The following ADGRV1 variants were observed in gnomAD, a reference collection of about 807,000 sequenced individuals.
The protein encoded by ADGRV1 is adhesion G protein-coupled receptor V1.
ADGRV1 carries 359 observed loss-of-function variants against 596.2 expected under a neutral mutation model. That is an observed-to-expected ratio of 0.60 (90% CI 0.55 to 0.66). The LOEUF is 0.66. ADGRV1 is among the 30% of genes least tolerant of loss of function. ADGRV1 has a pLI of 0.00. For synonymous variants in ADGRV1, 2,681 were observed against 2,679.2 expected (o/e 1.00, Z -0.02); for missense variants, 7,274 against 7,575.6 (o/e 0.96, Z 1.48).
chr5:91,087,224 TC>T (rs1382542209), intron 86 of ADGRV1, among the ~76,000 whole-genome samples: 1 of 152,222 alleles, frequency 6.6e-6, no homozygotes, highest in Non-Finnish European at 1.5e-5. Context: ...AATACTTATC[TC>T]CTACCTTTTC....
At chr5:90,845,018 G>A (rs1419899377) in intron 78 of ADGRV1, among the ~76,000 whole-genome samples, 1 of 152,094 alleles carries the variant, frequency 6.6e-6, no homozygotes, top group Admixed American at 6.5e-5. Context: ...AGGATTTTGA[G>A]TTAACTCTGT....
chr5:91,162,415 T>C (rs1046326588), intron 89 of ADGRV1, among the ~76,000 whole-genome samples: 1 of 152,034 alleles, frequency 6.6e-6, no homozygotes, highest in Admixed American at 6.5e-5. Flanking sequence ...GGTGCCAGCA[T>C]AAGAACGTCG....
rs1228005049 is a variant in ADGRV1, at chr5:90,653,598, C to A, written c.4024C>A (p.Pro1342Thr). 1 of 1,613,754 alleles carries A rather than the reference C, an allele frequency of 6.2e-7. No homozygotes were observed. Among genetic ancestry groups the A allele is most frequent in the Non-Finnish European group, 8.5e-7 (1 of 1,179,814 alleles). ...GLEGAFGTVN[P>T]KYHPSRNNTI... is the part of the protein sequence containing the mutation. ...AGAGGGTGCATTTGGGACTGTTAAT[C>A]CAAAATACCATCCCTCCAGGAATAA... The change falls in exon 20 of 90, where the codon CCA (proline) becomes ACA (threonine). Residue 1342 changes from proline (P) to threonine (T), a missense_variant. By Grantham distance (38) the Pro-to-Thr change is conservative. Transcript: ENST00000405460.
In ADGRV1 at chr5:90,628,686, G is replaced by A; in HGVS notation, c.1363G>A (p.Val455Ile). Residue 455 changes from valine (V) to isoleucine (I), a missense_variant, in exon 8 of 90, where the codon GTT (valine) becomes ATT (isoleucine). Val to Ile is a conservative substitution (Grantham distance 29). Coordinates refer to ENST00000405460, the MANE Select transcript of ADGRV1 (RefSeq NM_032119.4). ...VTADIRPSSG[V>I]LHFAQGQMLA... The stretch of plus-strand genomic sequence containing the variant: ...AGCAGATATCAGACCGAGCTCTGGA[G>A]TTCTCCATTTTGCACAAGGGCAGAT... 5 of 1,614,008 alleles carry A rather than the reference G, an allele frequency of 3.1e-6. No homozygotes were observed. The highest frequency in any genetic ancestry group is 4.2e-6 in the Non-Finnish European group (5 of 1,179,894).
chr5:90,592,709 G>A (rs1759681781), intron 1 of ADGRV1, among the ~76,000 whole-genome samples: 1 of 152,156 alleles, frequency 6.6e-6, no homozygotes, highest in African/African-American at 2.4e-5. Context: ...CTGACAAAGG[G>A]CTAATATCCA....
At chr5:90,935,835 C>T (rs1468725687) in intron 83 of ADGRV1, among the ~76,000 whole-genome samples, 5 of 152,100 alleles carry the variant, frequency 3.3e-5, no homozygotes, top group Non-Finnish European at 7.4e-5. Context: ...TTTTTCCAGC[C>T]CAGGCAGTGA....
At chr5:90,979,917 A>G (rs1779949715) in intron 84 of ADGRV1, among the ~76,000 whole-genome samples, 1 of 152,228 alleles carries the variant, frequency 6.6e-6, no homozygotes, top group South Asian at 2.1e-4. Context: ...TTTTTAAAAA[A>G]TATATAACAT....
chr5:90,602,298 A>C (rs1480391586), intron 1 of ADGRV1, among the ~76,000 whole-genome samples: 1 of 152,200 alleles, frequency 6.6e-6, no homozygotes, highest in Non-Finnish European at 1.5e-5. Flanking sequence ...AAATTTTCGA[A>C]AGGGGAGAGG....
At chr5:90,748,294 A>C (rs567726175) in intron 52 of ADGRV1, among the ~76,000 whole-genome samples, 2 of 152,340 alleles carry the variant, frequency 1.3e-5, no homozygotes, top group South Asian at 4.1e-4. Context: ...ATAGGGATAT[A>C]ATGTGTGCCT....
rs192437960 is a variant in ADGRV1, at chr5:90,599,770, A to T, written c.23-15065A>T. ...TTCAATGTGTATGAGGCGGATGGAG[A>T]AATAATACTGTAAAGTCATTGGCTT... On this transcript the variant is annotated intron_variant, in intron 1 of 89. Coordinates refer to ENST00000405460, the MANE Select transcript of ADGRV1 (RefSeq NM_032119.4). 4.2e-4 allele frequency among the ~76,000 whole-genome samples: 64 copies of T among 152,224 alleles called. No individual in the cohort carries two copies. The East Asian group carries it at 0.012, about 29-fold the overall frequency.
chr5:90,914,479 A>G (rs1390283410), intron 83 of ADGRV1, among the ~76,000 whole-genome samples: 1 of 152,182 alleles, frequency 6.6e-6, no homozygotes, highest in Non-Finnish European at 1.5e-5. Flanking sequence ...TAACTCTTCT[A>G]AGATCACACA....
At chr5:90,607,053 C>T (rs1190408654) in intron 1 of ADGRV1, among the ~76,000 whole-genome samples, 2 of 151,962 alleles carry the variant, frequency 1.3e-5, no homozygotes, top group African/African-American at 4.8e-5. Flanking sequence ...CAGATAGTTA[C>T]CTTTAATATA....
intron 83 of ADGRV1, among the ~76,000 whole-genome samples, chr5:90,950,253 G>C (rs1431900140): frequency 6.6e-6 from 1 of 152,154 alleles, no homozygotes; most frequent in Non-Finnish European, 1.5e-5. Flanking sequence ...ACTGTTCACT[G>C]TGGAGAGGAA....
chr5:90,763,907 T>C (rs1756794470), intron 59 of ADGRV1, among the ~76,000 whole-genome samples: 1 of 152,174 alleles, frequency 6.6e-6, no homozygotes, highest in Non-Finnish European at 1.5e-5. Flanking sequence ...TCTATAACAT[T>C]TTCTTTATCC....
At chr5:90,908,173 T>C (rs1009818121) in intron 83 of ADGRV1, among the ~76,000 whole-genome samples, 39 of 152,182 alleles carry the variant, frequency 2.6e-4, no homozygotes, top group African/African-American at 9.4e-4. Context: ...TAAATTAATG[T>C]TACGATAATC....
chr5:90,807,129 G>A (rs2150208516), intron 72 of ADGRV1, among the ~76,000 whole-genome samples: 1 of 152,304 alleles, frequency 6.6e-6, no homozygotes, highest in African/African-American at 2.4e-5. Flanking sequence ...GGGATTACAG[G>A]CGTGAGCCAC....
intron 70 of ADGRV1, among the ~76,000 whole-genome samples, chr5:90,795,494 C>T (rs1346202339): frequency 6.6e-6 from 1 of 152,222 alleles, no homozygotes; most frequent in African/African-American, 2.4e-5. Context: ...GCAGCAGCCC[C>T]AGTCAGGGAC....
At chr5:91,141,545 A>G (rs976403642) in intron 87 of ADGRV1, among the ~76,000 whole-genome samples, 4 of 152,248 alleles carry the variant, frequency 2.6e-5, no homozygotes, top group African/African-American at 9.6e-5. Context: ...AATATTGTAA[A>G]TAAGACCATC....
Position 90,693,966 on chromosome 5 carries a change from G to T in ADGRV1, c.7210G>T (p.Gly2404Cys), listed in dbSNP as rs78203228. ...IDVVALAMEE[G>C]QDLLSYYESP... ...TGTAGTGGCTCTGGCAATGGAGGAA[G>T]GTCAAGATTTACTGTCCTACTATGA... is the stretch of plus-strand genomic sequence containing the variant. The change falls in exon 33 of 90, where the codon GGT (glycine) becomes TGT (cysteine). Residue 2404 changes from glycine to cysteine, a missense_variant. Physicochemically the swap from Gly to Cys is radical, Grantham distance 159. Coordinates refer to ENST00000405460, the MANE Select transcript of ADGRV1 (RefSeq NM_032119.4). The T allele has an allele frequency of 1.1e-4, 181 of 1,610,122 alleles. No individual in the cohort carries two copies. The highest frequency in any genetic ancestry group is 1.5e-4 in the Non-Finnish European group (178 of 1,177,030).
Sources: allele counts gnomAD v4.1 joint callset (sites outside exome capture counted in the v4.1 genomes callset), GRCh38; gene constraint gnomAD v4.1.1; transcripts MANE v1.5; gene names NCBI Gene and HGNC (gene_info 2026-07-23, HGNC 2026-07-21).